Variants in DYNC1I1 observed in about 807,000 individuals in gnomAD.
DYNC1I1 encodes the protein dynein cytoplasmic 1 intermediate chain 1, also known as cytoplasmic dynein 1 intermediate chain 1.
Under a neutral mutation model 86.6 loss-of-function variants are expected in DYNC1I1, and 43 were observed. The observed-to-expected ratio is 0.50, with a 90% CI of 0.39 to 0.64. The LOEUF is 0.64. Among genes scored for constraint, DYNC1I1 ranks in the 30% least tolerant of loss-of-function variants. DYNC1I1 has a pLI of 0.00. For missense variants in DYNC1I1, 604 were observed against 788.8 expected, an observed-to-expected ratio of 0.77 and a Z score of 2.81; for synonymous variants, 262 against 283.7, an observed-to-expected ratio of 0.92 and a Z score of 0.77.
chr7:95,836,241 T>C (rs1789085508), intron 5 of DYNC1I1, among the ~76,000 whole-genome samples: 1 of 152,116 alleles, frequency 6.6e-6, no homozygotes, highest in African/African-American at 2.4e-5. Flanking sequence ...AAGCTTAGTT[T>C]GGCTGGATAT....
intron 1 of DYNC1I1, among the ~76,000 whole-genome samples, chr7:95,779,491 A>T (rs1793930764): frequency 6.6e-6 from 1 of 152,260 alleles, no homozygotes; most frequent in African/African-American, 2.4e-5. Flanking sequence ...TTTACGATCA[A>T]ACAGCAATTA....
At chr7:95,953,369 C>G (rs1241619150) in intron 6 of DYNC1I1, among the ~76,000 whole-genome samples, 1 of 151,850 alleles carries the variant, frequency 6.6e-6, no homozygotes, top group Non-Finnish European at 1.5e-5. Context: ...CAGCATTTCT[C>G]TCCGCATTTG....
chr7:96,093,038 C>T (rs921205787), intron 16 of DYNC1I1, among the ~76,000 whole-genome samples: 19 of 152,108 alleles, frequency 1.2e-4, no homozygotes, highest in African/African-American at 3.4e-4. Flanking sequence ...GAAAGGTCTA[C>T]GCCCTGCTTC....
chr7:95,937,351 GA>G (rs1792073549), intron 6 of DYNC1I1, among the ~76,000 whole-genome samples: 1 of 152,060 alleles, frequency 6.6e-6, no homozygotes, highest in Non-Finnish European at 1.5e-5. Context: ...TTAACTATGT[GA>G]GGTGATGGGT....
intron 5 of DYNC1I1, among the ~76,000 whole-genome samples, chr7:95,855,847 G>A (rs1267517342): frequency 1.3e-5 from 2 of 151,892 alleles, no homozygotes; most frequent in Admixed American, 6.6e-5. Context: ...GGAGCTTATA[G>A]GACTGGAAGT....
chr7:95,910,220 A>G (rs1490172763), intron 6 of DYNC1I1, among the ~76,000 whole-genome samples: 1 of 152,028 alleles, frequency 6.6e-6, no homozygotes, highest in Non-Finnish European at 1.5e-5. Context: ...ATTTCTTCAT[A>G]TTTCTTGGAT....
chr7:96,053,812 T>C (rs1789479750), intron 14 of DYNC1I1, among the ~76,000 whole-genome samples: 1 of 152,194 alleles, frequency 6.6e-6, no homozygotes, highest in African/African-American at 2.4e-5. Context: ...AGTTTCCTAG[T>C]ATTACACACA....
At chr7:95,919,079 A>G (rs756105969) in intron 6 of DYNC1I1, among the ~76,000 whole-genome samples, 24 of 152,230 alleles carry the variant, frequency 1.6e-4, no homozygotes, top group Non-Finnish European at 2.8e-4. Flanking sequence ...CAGTTGAATG[A>G]CAACATGCTG....
rs1363545388 is a variant in DYNC1I1 at position 95,802,541 on chromosome 7, CA to C, written c.-9-2175del. The C allele has an allele frequency of 2.6e-5, 4 of 152,270 alleles. No homozygotes were observed. The East Asian group carries it at 7.7e-4, about 29-fold the overall frequency. 9.4% of individuals were successfully genotyped at this position (152,270 alleles called of 1,614,324 possible). A position where few individuals can be genotyped will look rare whatever the true frequency, so the allele number is the denominator to read the frequency against. ...ATTTTTATTTTGTCACTTTTCTTTT[CA>C]AAAATCTGCTATGATTTCCCATCAC... On this transcript the variant is annotated intron_variant, in intron 1 of 16. Transcript: ENST00000447467.
chr7:95,779,924 A>G (rs1793943266), intron 1 of DYNC1I1, among the ~76,000 whole-genome samples: 1 of 152,156 alleles, frequency 6.6e-6, no homozygotes, highest in Admixed American at 6.5e-5. Context: ...CATGCAGAGC[A>G]TTTCTGCTGG....
intron 5 of DYNC1I1, among the ~76,000 whole-genome samples, chr7:95,841,144 G>C (rs1789269310): frequency 1.3e-5 from 2 of 152,218 alleles, no homozygotes; most frequent in Non-Finnish European, 2.9e-5. Context: ...CAAGCTAGAG[G>C]CCAGTCCCTC....
chr7:95,797,082 A>T (rs1794456508), intron 1 of DYNC1I1, among the ~76,000 whole-genome samples: 1 of 152,160 alleles, frequency 6.6e-6, no homozygotes, highest in Admixed American at 6.5e-5. Flanking sequence ...AATTAGTTAC[A>T]TTAAATGTCT....
At chr7:95,942,382 A>G (rs1792253596) in intron 6 of DYNC1I1, among the ~76,000 whole-genome samples, 1 of 152,204 alleles carries the variant, frequency 6.6e-6, no homozygotes, top group African/African-American at 2.4e-5. Context: ...TTTAATCAAT[A>G]GCTTACCAAC....
At chr7:95,881,900 G>C (rs1012775560) in intron 6 of DYNC1I1, among the ~76,000 whole-genome samples, 1 of 152,202 alleles carries the variant, frequency 6.6e-6, no homozygotes, top group Non-Finnish European at 1.5e-5. Context: ...ATGGTTAAAT[G>C]TGTATGAGTT....
chr7:95,983,057 A>G (rs1584224096), intron 7 of DYNC1I1, among the ~76,000 whole-genome samples: 1 of 152,204 alleles, frequency 6.6e-6, no homozygotes, highest in East Asian at 1.9e-4. Flanking sequence ...TGATTAACTA[A>G]TCAAATCTAG....
chr7:95,865,499 A>G (rs886461315), intron 5 of DYNC1I1, among the ~76,000 whole-genome samples: 1 of 152,164 alleles, frequency 6.6e-6, no homozygotes, highest in African/African-American at 2.4e-5. Context: ...GGCCCAGGGT[A>G]TGGCATAAAT....
intron 15 of DYNC1I1, among the ~76,000 whole-genome samples, chr7:96,079,019 GTTTT>G (rs138249934): frequency 6.6e-6 from 1 of 150,618 alleles, no homozygotes; most frequent in Non-Finnish European, 1.5e-5. Flanking sequence ...GACTTTTGGG[GTTTT>G]TTTTTGTTTT....
intron 10 of DYNC1I1, among the ~76,000 whole-genome samples, chr7:96,015,554 T>C (rs1794380305): frequency 6.6e-6 from 1 of 152,200 alleles, no homozygotes; most frequent in African/African-American, 2.4e-5. Context: ...CATATTTTTC[T>C]TTATCTCTTG....
At chr7:95,813,722 A>G (rs1794885705) in intron 4 of DYNC1I1, among the ~76,000 whole-genome samples, 1 of 152,168 alleles carries the variant, frequency 6.6e-6, no homozygotes, top group African/African-American at 2.4e-5. Flanking sequence ...CTTTGTGAAT[A>G]GAATATTGAG....
Sources: gnomAD v4.1 joint callset for allele counts (sites outside exome capture counted in the v4.1 genomes callset) on GRCh38, gnomAD v4.1.1 for gene constraint, MANE v1.5 for transcripts, NCBI Gene and HGNC (gene_info 2026-07-23, HGNC 2026-07-21) for gene names.